Variants in ANAPC7 observed in about 807,000 individuals in gnomAD.
The protein encoded by ANAPC7 is anaphase promoting complex subunit 7.
Under a neutral mutation model 63.3 loss-of-function variants are expected in ANAPC7, and 25 were observed. That is an observed-to-expected ratio of 0.39 (90% CI 0.29 to 0.55). The LOEUF is 0.55. Ranked by LOEUF, ANAPC7 falls within the 20% of genes least tolerant of loss-of-function variation. ANAPC7 has a pLI of 0.57. For synonymous variants in ANAPC7, 241 were observed against 251.7 expected (o/e 0.96, Z 0.40); for missense variants, 516 against 691.7 (o/e 0.75, Z 2.85).
chr12:110,379,648 T>C (rs939771179), intron 8 of ANAPC7, among the ~76,000 whole-genome samples: 9 of 152,232 alleles, frequency 5.9e-5, no homozygotes, highest in Non-Finnish European at 1.5e-5. Context: ...TCCAGAGGCA[T>C]AGCTCTCTGG....
intron 3 of ANAPC7, among the ~76,000 whole-genome samples, chr12:110,390,341 T>A (rs1054186942): frequency 1.3e-5 from 2 of 152,188 alleles, no homozygotes; most frequent in Non-Finnish European, 2.9e-5. Flanking sequence ...CCCAAAGTGC[T>A]GGGATTACAG....
chr12:110,392,830 T>C (rs1268662767), intron 3 of ANAPC7, among the ~76,000 whole-genome samples: 1 of 152,104 alleles, frequency 6.6e-6, no homozygotes, highest in Non-Finnish European at 1.5e-5. Context: ...AGTTTCACTC[T>C]TGTTGCCCAG....
chr12:110,377,225 G>A (rs1369868192), intron 9 of ANAPC7, among the ~76,000 whole-genome samples, 168 bp downstream of exon 9: 1 of 151,512 alleles, frequency 6.6e-6, no homozygotes, highest in Non-Finnish European at 1.5e-5. Context: ...ATCTAAGCCA[G>A]CTACGTTTGG....
intron 3 of ANAPC7, among the ~76,000 whole-genome samples, chr12:110,392,656 G>A (rs934109665): frequency 6.6e-6 from 1 of 152,086 alleles, no homozygotes; most frequent in Admixed American, 6.6e-5. Context: ...ATTTATAAAA[G>A]TAACAGAAAA....
chr12:110,399,820 G>A (rs1294835204), intron 1 of ANAPC7, among the ~76,000 whole-genome samples: 2 of 150,864 alleles, frequency 1.3e-5, no homozygotes, highest in African/African-American at 4.9e-5. Context: ...AAGGGGCCAG[G>A]CGCGGTGGCT....
chr12:110,402,917 C>T (rs958627770), intron 1 of ANAPC7, among the ~76,000 whole-genome samples: 3 of 151,822 alleles, frequency 2.0e-5, no homozygotes, highest in African/African-American at 7.3e-5. Context: ...TTAATTTTTA[C>T]TTTTCGTAGA....
intron 8 of ANAPC7, chr12:110,378,821 A>G (rs1050266164): frequency 6.6e-6 from 1 of 151,134 alleles, no homozygotes; most frequent in Non-Finnish European, 1.5e-5. Flanking sequence ...CCTTCCACAC[A>G]CTATGGTTAC....
In ANAPC7 at chr12:110,382,455, A is replaced by ACATAT. The variant is rs1306028353; in HGVS notation, c.935+387_935+388insATATG. On this transcript the variant is annotated intron_variant, in intron 7 of 10. Coordinates refer to ENST00000455511, the MANE Select transcript of ANAPC7 (RefSeq NM_016238.3). ...GATTATCCTTTTAAAAAAAAAAAAAAAAAAAAATATATATATATATATATA... is the reference window on the plus strand; with the variant it reads ...GATTATCCTTTTAAAAAAAAAAAAAACATATAAAAAAATATATATATATATATATA... 2.0e-4 allele frequency among the ~76,000 whole-genome samples: 14 copies of ACATAT among 70,492 alleles called. 1 individual carries two copies. Among genetic ancestry groups the ACATAT allele is most frequent in the Non-Finnish European group, 3.8e-4 (14 of 36,476 alleles). 46.2% of individuals were successfully genotyped at this position (70,492 alleles called of 152,430 possible). A position where few individuals can be genotyped will look rare whatever the true frequency, so the allele number is the denominator to read the frequency against.
chr12:110,396,008 TATA>T (rs779077818), intron 2 of ANAPC7, among the ~76,000 whole-genome samples: 2 of 152,112 alleles, frequency 1.3e-5, no homozygotes, highest in African/African-American at 2.4e-5. Context: ...TTAGTCAGAT[TATA>T]ATAAGGAACA....
chr12:110,382,863 T>A lies in ANAPC7; in HGVS notation c.915A>T (p.Ala305=). 1.2e-6 allele frequency: 2 copies of A among 1,613,810 alleles called. No individual in the cohort carries two copies. Among genetic ancestry groups the A allele is most frequent in the Non-Finnish European group, 1.7e-6 (2 of 1,179,788 alleles). Residue 305 remains alanine, a synonymous_variant, in exon 7 of 11, where the codon GCA becomes GCT. Coordinates refer to ENST00000455511, the MANE Select transcript of ANAPC7 (RefSeq NM_016238.3). ...CRLFNISDQH[A]EPWVVSGCHS... is the part of the protein sequence containing the mutation. Reference sequence around the variant, plus strand: ...CATACCCAGAAACCACCCACGGTTCTGCATGCTGATCAGAGATATTGAAAA... The same window carrying A: ...CATACCCAGAAACCACCCACGGTTCAGCATGCTGATCAGAGATATTGAAAA...
intron 3 of ANAPC7, among the ~76,000 whole-genome samples, chr12:110,389,121 T>G (rs1224761170): frequency 3.4e-5 from 5 of 148,208 alleles, no homozygotes; most frequent in Admixed American, 6.7e-5. Flanking sequence ...AAGAAATTAC[T>G]ACCCTTCCTT....
intron 10 of ANAPC7, among the ~76,000 whole-genome samples, chr12:110,375,176 C>T (rs892938323): frequency 6.6e-6 from 1 of 152,152 alleles, no homozygotes; most frequent in Non-Finnish European, 1.5e-5. Context: ...CTGGTTGAAG[C>T]CTTCCACATC....
At chr12:110,374,628 G>T (rs1376255876) in intron 10 of ANAPC7, among the ~76,000 whole-genome samples, 2 of 152,118 alleles carry the variant, frequency 1.3e-5, no homozygotes, top group Non-Finnish European at 2.9e-5. Context: ...GCGGCTACCA[G>T]ATAACACAAA....
In ANAPC7 at chr12:110,373,925, C is replaced by A. The variant is rs961160950; in HGVS notation, c.*219G>T. ...TCTCGGGGCACTCCCTCAGTCCTCC[C>A]TGGCTGGAGCAGGGGAGGATGGAGA... On this transcript the variant is annotated 3_prime_UTR_variant, in exon 11 of 11. Transcript: ENST00000455511. 2.5e-5 allele frequency: 12 copies of A among 483,286 alleles called. No homozygotes were observed. Among genetic ancestry groups the A allele is most frequent in the Non-Finnish European group, 3.9e-5 (11 of 285,562 alleles). 29.9% of individuals were successfully genotyped at this position (483,286 alleles called of 1,614,324 possible). A position where few individuals can be genotyped will look rare whatever the true frequency, so the allele number is the denominator to read the frequency against.
chr12:110,389,101 AAG>A (rs1491284490), intron 3 of ANAPC7, among the ~76,000 whole-genome samples: 2 of 144,446 alleles, frequency 1.4e-5, no homozygotes, highest in Admixed American at 6.8e-5. Context: ...AAAAAAAAAA[AAG>A]AAAAGAAAAG....
rs2062264052 is a variant in ANAPC7 at position 110,403,530 on chromosome 12, T to C, written c.98A>G (p.Asn33Ser). 6.3e-7 allele frequency: 1 copy of C among 1,599,052 alleles called. No homozygotes were observed. Among genetic ancestry groups the C allele is most frequent in the Non-Finnish European group, 8.5e-7 (1 of 1,173,714 alleles). Residue 33 changes from asparagine (N) to serine (S), a missense_variant, in exon 1 of 11, where the codon AAC becomes AGC. Physicochemically the swap from Asn to Ser is conservative, Grantham distance 46. Coordinates refer to ENST00000455511, the MANE Select transcript of ANAPC7 (RefSeq NM_016238.3). ...SSLLLTMSNN[N>S]PELFSPPQKY... ...GCAGCTACCCGCCTCAACTCACGGG[T>C]TGTTATTACTCATTGTAAGTAACAA...
intron 1 of ANAPC7, among the ~76,000 whole-genome samples, chr12:110,399,865 G>A (rs772402967): frequency 6.6e-6 from 1 of 151,888 alleles, no homozygotes; most frequent in Non-Finnish European, 1.5e-5. Flanking sequence ...GGAGGCCAAG[G>A]AGGGAGGATC....
intron 6 of ANAPC7, among the ~76,000 whole-genome samples, chr12:110,385,454 C>T (rs1241391966): frequency 3.3e-5 from 5 of 152,194 alleles, no homozygotes; most frequent in Admixed American, 1.3e-4. Context: ...TCCTGCTAGC[C>T]CCTGGGCCTG....
intron 3 of ANAPC7, among the ~76,000 whole-genome samples, chr12:110,391,442 T>G (rs1451697209): frequency 6.6e-6 from 1 of 152,196 alleles, no homozygotes; most frequent in African/African-American, 2.4e-5. Context: ...GACATTCATT[T>G]AGACACATTT....
Sources: gnomAD v4.1 joint callset for allele counts (sites outside exome capture counted in the v4.1 genomes callset) on GRCh38, gnomAD v4.1.1 for gene constraint, MANE v1.5 for transcripts, NCBI Gene and HGNC (gene_info 2026-07-23, HGNC 2026-07-21) for gene names.